Variants in NAALADL2 observed in about 807,000 individuals in gnomAD.
NAALADL2 encodes N-acetylated alpha-linked acidic dipeptidase like 2, also known as inactive N-acetylated-alpha-linked acidic dipeptidase-like protein 2.
NAALADL2 carries 76 observed loss-of-function variants against 87.2 expected under a neutral mutation model. The observed-to-expected ratio is 0.87, with a 90% CI of 0.72 to 1.05. NAALADL2 has a LOEUF of 1.05. Ranked by LOEUF, NAALADL2 falls within the 50% of genes least tolerant of loss-of-function variation. The pLI is 0.00. For synonymous variants in NAALADL2, 354 were observed against 331.0 expected, an observed-to-expected ratio of 1.07 and a Z score of -0.75; for missense variants, 1,089 against 945.8, an observed-to-expected ratio of 1.15 and a Z score of -1.99.
chr3:175,320,488 G>A (rs1421549114), intron 4 of NAALADL2, among the ~76,000 whole-genome samples: 1 of 152,122 alleles, frequency 6.6e-6, no homozygotes, highest in African/African-American at 2.4e-5. Context: ...GGTCTGGCTG[G>A]TACCTCCAGG....
At position 175,530,439 on chromosome 3, in the gene NAALADL2, G is replaced by A. The variant is rs115394457; in HGVS notation, c.1654-45602G>A. Reference sequence around the variant, plus strand: ...CTGGCCATTTCTCCTTCCATGCGACGTGCACAATCAGGTGCACTGCTTGAA... The same window carrying A: ...CTGGCCATTTCTCCTTCCATGCGACATGCACAATCAGGTGCACTGCTTGAA... On this transcript the variant is annotated intron_variant, in intron 9 of 13. Transcript: ENST00000454872. Among the ~76,000 whole-genome samples, 338 of 152,246 alleles carry A rather than the reference G, an allele frequency of 2.2e-3. 5 individuals are homozygous for A. Among genetic ancestry groups the A allele is most frequent in the African/African-American group, 7.2e-3 (301 of 41,544 alleles).
intron 2 of NAALADL2, among the ~76,000 whole-genome samples, chr3:174,600,008 G>C (rs1432031268): frequency 6.6e-6 from 1 of 152,066 alleles, no homozygotes; most frequent in African/African-American, 2.4e-5. Context: ...CTAGCTTCAA[G>C]TAACTTAGAT....
At chr3:175,687,456 A>G (rs1031665689) in intron 11 of NAALADL2, among the ~76,000 whole-genome samples, 1 of 152,142 alleles carries the variant, frequency 6.6e-6, no homozygotes, top group African/African-American at 2.4e-5. Flanking sequence ...TTGGATGAGT[A>G]CCTCTAGCAG....
chr3:175,615,084 G>GA (rs1036090342), intron 10 of NAALADL2, among the ~76,000 whole-genome samples: 8 of 151,904 alleles, frequency 5.3e-5, no homozygotes, highest in Admixed American at 3.3e-4. Flanking sequence ...ACAACTTCAG[G>GA]AAAAAGGACA....
intron 2 of NAALADL2, among the ~76,000 whole-genome samples, chr3:174,558,298 T>C (rs1319508141): frequency 6.6e-6 from 1 of 152,126 alleles, no homozygotes; most frequent in Admixed American, 6.5e-5. Flanking sequence ...CCCAACCTTT[T>C]TGTGACCAGG....
intron 2 of NAALADL2, among the ~76,000 whole-genome samples, chr3:174,605,246 C>T (rs540637685): frequency 7.9e-5 from 12 of 152,252 alleles, no homozygotes; most frequent in South Asian, 2.1e-4. Context: ...ACGCAGAAGA[C>T]GGGTGATTTC....
chr3:175,343,664 T>TTTTTTTTTTTTTTTTTTG (rs1762819853), intron 5 of NAALADL2, among the ~76,000 whole-genome samples: 1 of 140,104 alleles, frequency 7.1e-6, no homozygotes, highest in Non-Finnish European at 1.6e-5. Flanking sequence ...TGTTTTTTTT[T>TTTTTTTTTTTTTTTTTTG]TTTTTTTTTT....
At chr3:174,835,800 G>A (rs1217146329) in intron 3 of NAALADL2, among the ~76,000 whole-genome samples, 5 of 152,066 alleles carry the variant, frequency 3.3e-5, no homozygotes, top group African/African-American at 7.2e-5. Flanking sequence ...AAACAACCAC[G>A]AGGTATTATT....
chr3:175,118,010 C>T (rs568196375), intron 2 of NAALADL2, among the ~76,000 whole-genome samples: 1 of 151,924 alleles, frequency 6.6e-6, no homozygotes, highest in African/African-American at 2.4e-5. Flanking sequence ...CAAACTATTG[C>T]AAGGACAGAA....
chr3:175,805,507 CAACA>C lies in NAALADL2; in HGVS notation c.*2308_*2311del, dbSNP rs1480328097. ...CTGTACATGCTGCTTTACATCTTTGCAACAAACCTCTTAACTAGCAGCATTATTT... is the reference window on the plus strand; with the variant it reads ...CTGTACATGCTGCTTTACATCTTTGCAACCTCTTAACTAGCAGCATTATTT... On this transcript the variant is annotated 3_prime_UTR_variant, in exon 14 of 14. Transcript: ENST00000454872. 2 of 151,834 alleles carry C rather than the reference CAACA, an allele frequency of 1.3e-5. No individual in the cohort carries two copies. The highest frequency in any genetic ancestry group is 2.9e-5 in the Non-Finnish European group (2 of 67,870). 9.4% of individuals were successfully genotyped at this position (151,834 alleles called of 1,614,324 possible). A position where few individuals can be genotyped will look rare whatever the true frequency, so the allele number is the denominator to read the frequency against.
chr3:174,605,970 A>G (rs1719003800), intron 2 of NAALADL2, among the ~76,000 whole-genome samples: 1 of 152,118 alleles, frequency 6.6e-6, no homozygotes, highest in African/African-American at 2.4e-5. Flanking sequence ...TCTGAGACAA[A>G]ACTTCCAGAG....
At chr3:174,866,061 C>G (rs1044046573) in intron 1 of NAALADL2, among the ~76,000 whole-genome samples, 1 of 151,710 alleles carries the variant, frequency 6.6e-6, no homozygotes, top group African/African-American at 2.4e-5. Context: ...CTCCTAGCAG[C>G]CAAAAGAAAA....
chr3:175,410,722 G>A (rs1713348029), intron 5 of NAALADL2, among the ~76,000 whole-genome samples: 1 of 152,180 alleles, frequency 6.6e-6, no homozygotes, highest in African/African-American at 2.4e-5. Context: ...CAAAGTCAGG[G>A]ACGACTCTCC....
At chr3:174,441,638 T>C (rs1335289855) in intron 1 of NAALADL2, among the ~76,000 whole-genome samples, 1 of 152,106 alleles carries the variant, frequency 6.6e-6, no homozygotes, top group African/African-American at 2.4e-5. Flanking sequence ...CTGCTGGTTC[T>C]ACCCTAACGT....
chr3:174,619,177 CTT>C (rs950627228), intron 2 of NAALADL2, among the ~76,000 whole-genome samples: 1 of 151,908 alleles, frequency 6.6e-6, no homozygotes, highest in African/African-American at 2.4e-5. Context: ...CTTCTACTCT[CTT>C]GTTACAGATG....
chr3:175,449,370 GC>G (rs1238737879), intron 6 of NAALADL2, among the ~76,000 whole-genome samples: 9 of 150,122 alleles, frequency 6.0e-5, no homozygotes, highest in African/African-American at 2.2e-4. Flanking sequence ...GAGCCATTGT[GC>G]CTGGCCTAAC....
intron 1 of NAALADL2, among the ~76,000 whole-genome samples, chr3:174,997,969 T>C (rs1298780061): frequency 9.2e-5 from 14 of 152,204 alleles, no homozygotes; most frequent in Non-Finnish European, 1.8e-4. Flanking sequence ...TTTCCTTAGA[T>C]TAAGATTTCC....
intron 6 of NAALADL2, among the ~76,000 whole-genome samples, chr3:175,457,855 AG>A (rs1722552188): frequency 6.9e-6 from 1 of 144,404 alleles, no homozygotes; most frequent in African/African-American, 2.9e-5. Context: ...TCCACTGTAA[AG>A]AAGAGATTTT....
intron 3 of NAALADL2, among the ~76,000 whole-genome samples, chr3:174,764,251 TC>T (rs1376918649): frequency 6.6e-6 from 1 of 152,388 alleles, no homozygotes; most frequent in East Asian, 1.9e-4. Flanking sequence ...CAGTTCATGA[TC>T]TTTTGCTTCA....
Sources: gnomAD v4.1 joint callset for allele counts (sites outside exome capture counted in the v4.1 genomes callset) on GRCh38, gnomAD v4.1.1 for gene constraint, MANE v1.5 for transcripts, NCBI Gene and HGNC (gene_info 2026-07-23, HGNC 2026-07-21) for gene names.